Variants in IGF1R observed in about 807,000 individuals in gnomAD.
IGF1R encodes the protein insulin like growth factor 1 receptor.
Under a neutral mutation model 144.6 loss-of-function variants are expected in IGF1R, and 44 were observed. The observed-to-expected ratio is 0.30, with a 90% confidence interval of 0.24 to 0.39. IGF1R has a LOEUF of 0.39. Ranked by LOEUF, IGF1R falls within the 10% of genes least tolerant of loss-of-function variation. The probability of loss-of-function intolerance (pLI) is 1.00; values close to 1 mark genes in which losing one functional copy is unlikely to be tolerated. For synonymous variants in IGF1R, 795 were observed against 722.8 expected (o/e 1.10, Z -1.60); for missense variants, 1,355 against 1,833.7 (o/e 0.74, Z 4.77).
intron 2 of IGF1R, among the ~76,000 whole-genome samples, chr15:98,832,146 G>GTT (rs1463039227): frequency 6.6e-6 from 1 of 152,082 alleles, no homozygotes; most frequent in Admixed American, 6.5e-5. Context: ...AACTCACATT[G>GTT]TTTTTGTCTT....
intron 2 of IGF1R, among the ~76,000 whole-genome samples, chr15:98,712,217 G>T (rs2054008901): frequency 6.6e-6 from 1 of 152,044 alleles, no homozygotes; most frequent in Non-Finnish European, 1.5e-5. Context: ...AGTATCTCCA[G>T]CCCAGAACCC....
intron 1 of IGF1R, among the ~76,000 whole-genome samples, chr15:98,655,652 A>T (rs1204794565): frequency 6.6e-6 from 1 of 152,250 alleles, no homozygotes; most frequent in East Asian, 1.9e-4. Flanking sequence ...ATTAAAAAAA[A>T]AAATAAAACG....
chr15:98,826,909 G>C (rs191712479), intron 2 of IGF1R, among the ~76,000 whole-genome samples: 2 of 152,290 alleles, frequency 1.3e-5, no homozygotes, highest in African/African-American at 4.8e-5. Flanking sequence ...TCTCTGTGAC[G>C]TGTGAAAAGT....
chr15:98,663,778 G>A (rs921040214), intron 1 of IGF1R, among the ~76,000 whole-genome samples: 11 of 152,338 alleles, frequency 7.2e-5, no homozygotes, highest in African/African-American at 2.6e-4. Flanking sequence ...CCGCTACCCT[G>A]AAGAGCTGGC....
At position 98,911,571 on chromosome 15, in the gene IGF1R, A is replaced by T. The variant is rs988210804; in HGVS notation, c.1589+130A>T. On this transcript the variant is annotated intron_variant, in intron 7 of 20. Coordinates refer to ENST00000650285, the MANE Select transcript of IGF1R (RefSeq NM_000875.5). Reference sequence around the variant, plus strand: ...GAGTCCCCAGGGAGAGCCACGCCAAACATCCCTACTTCATCCTCATGCACC... The same window carrying T: ...GAGTCCCCAGGGAGAGCCACGCCAATCATCCCTACTTCATCCTCATGCACC... The T allele has an allele frequency of 1.1e-5, 13 of 1,180,632 alleles. No individual in the cohort carries two copies. In the Admixed American group the frequency reaches 1.5e-4, roughly 14 times the overall value. The allele number at this position is 1,180,632 out of a possible 1,614,324, so 73.1% of individuals were successfully genotyped here. A position where few individuals can be genotyped will look rare whatever the true frequency, so the allele number is the denominator to read the frequency against.
In IGF1R at chr15:98,737,431, C is replaced by G. The variant is rs138499747; in HGVS notation, c.640+29324C>G. ...TGCCAAGAACATGACTTGCCTCTGG[C>G]CTGAGAGCAGTGGAGTAAGCTGATA... On this transcript the variant is annotated intron_variant, in intron 2 of 20. Coordinates refer to ENST00000650285, the MANE Select transcript of IGF1R (RefSeq NM_000875.5). Among the ~76,000 whole-genome samples the G allele has an allele frequency of 4.1e-3, 621 of 152,194 alleles. 7 individuals carry two copies. Among genetic ancestry groups the G allele is most frequent in the African/African-American group, 0.014 (570 of 41,512 alleles).
At chr15:98,747,644 A>T (rs1317034928) in intron 2 of IGF1R, among the ~76,000 whole-genome samples, 1 of 152,160 alleles carries the variant, frequency 6.6e-6, no homozygotes, top group Non-Finnish European at 1.5e-5. Flanking sequence ...TCCTGAAGAG[A>T]TTAGTGGATT....
At chr15:98,758,876 T>G (rs1448065977) in intron 2 of IGF1R, among the ~76,000 whole-genome samples, 2 of 152,212 alleles carry the variant, frequency 1.3e-5, no homozygotes, top group East Asian at 1.9e-4. Flanking sequence ...TTTGTGTACA[T>G]TTTTCTTTGC....
At chr15:98,837,611 C>T (rs1380936988) in intron 2 of IGF1R, among the ~76,000 whole-genome samples, 1 of 151,302 alleles carries the variant, frequency 6.6e-6, no homozygotes, top group African/African-American at 2.4e-5. Flanking sequence ...ACCTCAGCCT[C>T]CCAACCACAA....
chr15:98,851,244 G>T (rs376473258), intron 2 of IGF1R, among the ~76,000 whole-genome samples: 14 of 152,220 alleles, frequency 9.2e-5, no homozygotes, highest in African/African-American at 3.4e-4. Context: ...TACATGCCAG[G>T]CGGGCAGGGC....
intron 2 of IGF1R, among the ~76,000 whole-genome samples, chr15:98,887,378 A>C (rs892733458): frequency 6.6e-6 from 1 of 152,054 alleles, no homozygotes; most frequent in African/African-American, 2.4e-5. Flanking sequence ...TTTAGGTATA[A>C]CTATTTGCAA....
chr15:98,929,477 A>G, intron 13 of IGF1R, 81 bp from the exon 14 acceptor site: 1 of 1,090,454 alleles, frequency 9.2e-7, no homozygotes, highest in Non-Finnish European at 1.4e-6. Context: ...TTTTTTTCAT[A>G]CTTCCAACTG....
At chr15:98,710,374 A>T (rs1300603416) in intron 2 of IGF1R, among the ~76,000 whole-genome samples, 20 of 152,352 alleles carry the variant, frequency 1.3e-4, no homozygotes, top group African/African-American at 4.8e-5. Context: ...TAGTTGAATC[A>T]GAACTTCCTC....
chr15:98,914,140 C>T (rs954145169), intron 8 of IGF1R, among the ~76,000 whole-genome samples: 1 of 152,178 alleles, frequency 6.6e-6, no homozygotes, highest in Non-Finnish European at 1.5e-5. Flanking sequence ...GGAGCACTCT[C>T]CGGGGCCTCT....
intron 2 of IGF1R, among the ~76,000 whole-genome samples, chr15:98,758,091 A>T (rs1022026925): frequency 5.3e-5 from 8 of 151,984 alleles, no homozygotes; most frequent in African/African-American, 1.9e-4. Context: ...TCACTCATGG[A>T]TTCTAGTAGA....
In IGF1R at chr15:98,960,565, C is replaced by T. The variant is rs1024028546; in HGVS notation, c.*3123C>T. Reference sequence around the variant, plus strand: ...TCTGTGCGAATCCCCAGGGTAAAGGCGTGGGGCATTGGGTTTGCTCCCCTT... The same window carrying T: ...TCTGTGCGAATCCCCAGGGTAAAGGTGTGGGGCATTGGGTTTGCTCCCCTT... On this transcript the variant is annotated 3_prime_UTR_variant, in exon 21 of 21. Transcript: ENST00000650285. The T allele has an allele frequency of 5.1e-5, 12 of 233,602 alleles. No individual in the cohort carries two copies. The South Asian group carries it at 1.4e-3, about 28-fold the overall frequency. The allele number at this position is 233,602 out of a possible 1,614,324, so 14.5% of individuals were successfully genotyped here. A position where few individuals can be genotyped will look rare whatever the true frequency, so the allele number is the denominator to read the frequency against.
At chr15:98,747,085 G>T (rs1337561689) in intron 2 of IGF1R, among the ~76,000 whole-genome samples, 9 of 152,192 alleles carry the variant, frequency 5.9e-5, no homozygotes, top group African/African-American at 2.2e-4. Context: ...AAATGTAAGT[G>T]CAGTGTAATG....
chr15:98,729,445 A>G (rs968969361), intron 2 of IGF1R, among the ~76,000 whole-genome samples: 3 of 152,092 alleles, frequency 2.0e-5, no homozygotes, highest in East Asian at 1.9e-4. Context: ...TTTTTTAACC[A>G]TGTGCTTTTA....
At chr15:98,702,936 C>CA (rs1226491823) in intron 1 of IGF1R, among the ~76,000 whole-genome samples, 9 of 152,092 alleles carry the variant, frequency 5.9e-5, no homozygotes, top group African/African-American at 2.2e-4. Context: ...GACCACGTCT[C>CA]AAAAAACAAT....
Sources: gnomAD v4.1 joint callset for allele counts (sites outside exome capture counted in the v4.1 genomes callset) on GRCh38, gnomAD v4.1.1 for gene constraint, MANE v1.5 for transcripts, NCBI Gene and HGNC (gene_info 2026-07-23, HGNC 2026-07-21) for gene names.